The following TMEM196 variants were observed in gnomAD, a reference collection of about 807,000 sequenced individuals.
TMEM196 encodes the protein transmembrane protein 196.
Under a neutral mutation model 20.0 loss-of-function variants are expected in TMEM196, and 17 were observed. The ratio of observed to expected loss-of-function variants is 0.85; its 90% CI spans 0.58 to 1.27. The LOEUF is 1.27. Among genes scored for constraint, TMEM196 ranks in the 50% most tolerant of loss-of-function variants. The pLI is 0.00. For synonymous variants in TMEM196, 113 were observed against 88.9 expected, an observed-to-expected ratio of 1.27 and a Z score of -1.52; for missense variants, 267 against 223.0, an observed-to-expected ratio of 1.20 and a Z score of -1.26.
intron 1 of TMEM196, among the ~76,000 whole-genome samples, chr7:19,749,486 T>C (rs1784878516): frequency 6.6e-6 from 1 of 152,192 alleles, no homozygotes; most frequent in South Asian, 2.1e-4. Context: ...CCCTTGGTAA[T>C]AACCCAGAGC....
Position 19,720,471 on chromosome 7 carries a change from G to T in TMEM196, c.*1657C>A, listed in dbSNP as rs533090158. On this transcript the variant is annotated 3_prime_UTR_variant, in exon 5 of 5. Transcript: ENST00000405844. Reference sequence around the variant, plus strand: ...CAGTAAATATTTTAATTTACCTATGGTTCAACAAGTAACTCATAAAAAATG... The same window carrying T: ...CAGTAAATATTTTAATTTACCTATGTTTCAACAAGTAACTCATAAAAAATG... 8 of 151,872 alleles carry T rather than the reference G, an allele frequency of 5.3e-5. No individual in the cohort carries two copies. The highest frequency in any genetic ancestry group is 1.0e-4 in the Non-Finnish European group (7 of 67,814). The allele number at this position is 151,872 out of a possible 1,614,324, so 9.4% of individuals were successfully genotyped here. A position where few individuals can be genotyped will look rare whatever the true frequency, so the allele number is the denominator to read the frequency against.
rs568460821 is a variant in TMEM196 at position 19,720,641 on chromosome 7, T to C, written c.*1487A>G. The C allele has an allele frequency of 3.9e-5, 6 of 152,128 alleles. No homozygotes were observed. The South Asian group carries it at 1.2e-3, about 32-fold the overall frequency. 9.4% of individuals were successfully genotyped at this position (152,128 alleles called of 1,614,324 possible). A position where few individuals can be genotyped will look rare whatever the true frequency, so the allele number is the denominator to read the frequency against. On this transcript the variant is annotated 3_prime_UTR_variant, in exon 5 of 5. Transcript: ENST00000405844. ...CAGATATATGTTGTTTTTTCACTTA[T>C]ATGTGTTGTTCTTGTTTGCTATTTT...
chr7:19,771,022 C>T (rs980351198), intron 1 of TMEM196, among the ~76,000 whole-genome samples: 4 of 152,060 alleles, frequency 2.6e-5, no homozygotes, highest in Admixed American at 2.0e-4. Context: ...CACCTTTTCT[C>T]CCTCTTTCCC....
At chr7:19,743,193 T>A (rs1583435892) in intron 1 of TMEM196, among the ~76,000 whole-genome samples, 1 of 152,282 alleles carries the variant, frequency 6.6e-6, no homozygotes, top group Non-Finnish European at 1.5e-5. Context: ...TTTGTCATGA[T>A]GAGGGATCAT....
intron 2 of TMEM196, among the ~76,000 whole-genome samples, chr7:19,728,168 A>AT (rs925110072): frequency 4.6e-5 from 7 of 151,580 alleles, no homozygotes; most frequent in Non-Finnish European, 1.0e-4. Context: ...TTCCTTTTTT[A>AT]TTTTTTCCTT....
At chr7:19,766,165 A>T (rs1249693523) in intron 1 of TMEM196, among the ~76,000 whole-genome samples, 1 of 152,176 alleles carries the variant, frequency 6.6e-6, no homozygotes, top group Non-Finnish European at 1.5e-5. Context: ...AAACTTTTCC[A>T]CTGATACCGT....
rs1783747179 is a variant in TMEM196 at position 19,719,448 on chromosome 7, T to C, written c.*2680A>G. 1 of 152,164 alleles carries C rather than the reference T, an allele frequency of 6.6e-6. No homozygotes were observed. The highest frequency in any genetic ancestry group is 2.4e-5 in the African/African-American group (1 of 41,444). 9.4% of individuals were successfully genotyped at this position (152,164 alleles called of 1,614,324 possible). A position where few individuals can be genotyped will look rare whatever the true frequency, so the allele number is the denominator to read the frequency against. On this transcript the variant is annotated 3_prime_UTR_variant, in exon 5 of 5. Coordinates refer to ENST00000405844, the MANE Select transcript of TMEM196 (RefSeq NM_001363562.2). ...GCATATATATACACACATACACATA[T>C]ATGTTTAAAATTTCCAAAGCGAGCC...
intron 1 of TMEM196, among the ~76,000 whole-genome samples, chr7:19,743,397 G>C (rs566064145): frequency 6.6e-6 from 1 of 152,214 alleles, no homozygotes; most frequent in Admixed American, 6.5e-5. Context: ...TGAGGCCTTT[G>C]AAATAAACAC....
At chr7:19,732,455 C>T (rs575362330) in intron 1 of TMEM196, among the ~76,000 whole-genome samples, 4 of 151,806 alleles carry the variant, frequency 2.6e-5, no homozygotes, top group African/African-American at 4.8e-5. Context: ...CACCTGTAGT[C>T]GCAGCTACTC....
chr7:19,719,542 G>A lies in TMEM196; in HGVS notation c.*2586C>T, dbSNP rs1783748803. On this transcript the variant is annotated 3_prime_UTR_variant, in exon 5 of 5. Transcript: ENST00000405844. ...TGGTCCAAAGTATACCACCACTCCAGTTTCACATAGTTTTTCTAATTTAGT... is the reference window on the plus strand; with the variant it reads ...TGGTCCAAAGTATACCACCACTCCAATTTCACATAGTTTTTCTAATTTAGT... The A allele has an allele frequency of 6.6e-6, 1 of 151,716 alleles. No individual in the cohort carries two copies. The highest frequency in any genetic ancestry group is 1.5e-5 in the Non-Finnish European group (1 of 67,804). The allele number at this position is 151,716 out of a possible 1,614,324, so 9.4% of individuals were successfully genotyped here.
chr7:19,725,982 C>A (rs1333077270), intron 2 of TMEM196, among the ~76,000 whole-genome samples: 1 of 151,980 alleles, frequency 6.6e-6, no homozygotes, highest in Non-Finnish European at 1.5e-5. Context: ...AGGGAGTATA[C>A]CACAGTGTTT....
At chr7:19,768,632 T>C (rs1008149372) in intron 1 of TMEM196, among the ~76,000 whole-genome samples, 6 of 152,150 alleles carry the variant, frequency 3.9e-5, no homozygotes, top group African/African-American at 9.7e-5. Context: ...TTAATTGTTA[T>C]CTAACAGTTA....
intron 1 of TMEM196, among the ~76,000 whole-genome samples, chr7:19,759,437 CA>C (rs1389535765): frequency 1.3e-5 from 2 of 152,058 alleles, no homozygotes; most frequent in Non-Finnish European, 2.9e-5. Context: ...TGGTGTCAAC[CA>C]AACATATGAC....
At chr7:19,731,910 A>G (rs1431074731) in intron 1 of TMEM196, among the ~76,000 whole-genome samples, 2 of 152,216 alleles carry the variant, frequency 1.3e-5, no homozygotes, top group Non-Finnish European at 2.9e-5. Context: ...ATCCAAAATC[A>G]CATGTCCTAG....
At chr7:19,728,040 C>T (rs6952199) in intron 2 of TMEM196, among the ~76,000 whole-genome samples, 27,950 of 151,768 alleles carry the variant, frequency 0.18, 2,712 homozygotes, top group East Asian at 0.27. Context: ...ACCACCTGGG[C>T]GGTAGTTTCT....
chr7:19,752,219 A>T (rs569498874), intron 1 of TMEM196, among the ~76,000 whole-genome samples: 2 of 152,336 alleles, frequency 1.3e-5, no homozygotes, highest in South Asian at 4.1e-4. Flanking sequence ...GATGCACAGC[A>T]GTTAATGAAA....
rs916675306 is a variant in TMEM196, at chr7:19,729,563, C to T, written c.148-125G>A. 5 of 822,248 alleles carry T rather than the reference C, an allele frequency of 6.1e-6. No homozygotes were observed. The African/African-American group carries it at 7.0e-5, about 11-fold the overall frequency. The allele number at this position is 822,248 out of a possible 1,614,324, so 50.9% of individuals were successfully genotyped here. A position where few individuals can be genotyped will look rare whatever the true frequency, so the allele number is the denominator to read the frequency against. On this transcript the variant is annotated intron_variant, in intron 1 of 4. Coordinates refer to ENST00000405844, the MANE Select transcript of TMEM196 (RefSeq NM_001363562.2). ...AGAACATTTTAAATTTCCTTCAAAACCTGGAGAGGATAAGATCTCATTCTA... is the reference window on the plus strand; with the variant it reads ...AGAACATTTTAAATTTCCTTCAAAATCTGGAGAGGATAAGATCTCATTCTA...
Position 19,729,443 on chromosome 7 carries a change from AAAGGAAAAGAAG to A in TMEM196, c.148-17_148-6del. 6.5e-7 allele frequency: 1 copy of A among 1,550,288 alleles called. No individual in the cohort carries two copies. Among genetic ancestry groups the A allele is most frequent in the Non-Finnish European group, 8.7e-7 (1 of 1,146,718 alleles). ...ACAAATGCCACAAAGAAGAAACTGA[AAAGGAAAAGAAG>A]AACAATTACTCCTTATCCAAAGACA... On this transcript the variant is annotated splice_region_variant and splice_polypyrimidine_tract_variant and intron_variant, in intron 1 of 4. Transcript: ENST00000405844.
At chr7:19,725,406 A>G in intron 3 of TMEM196, 108 bp downstream of exon 3, 1 of 1,408,438 alleles carries the variant, frequency 7.1e-7, no homozygotes, top group African/African-American at 1.4e-5. Context: ...CCAAATGTAT[A>G]AAATCTGATT....
Sources: allele counts gnomAD v4.1 joint callset (sites outside exome capture counted in the v4.1 genomes callset), GRCh38; gene constraint gnomAD v4.1.1; transcripts MANE v1.5; gene names NCBI Gene and HGNC (gene_info 2026-07-23, HGNC 2026-07-21).